The following SLC11A2 variants were observed in gnomAD, a reference collection of about 807,000 sequenced individuals.
SLC11A2 encodes natural resistance-associated macrophage protein 2.
A neutral mutation model predicts 68.0 loss-of-function variants in SLC11A2; 38 were observed. That is an observed-to-expected ratio of 0.56 (90% CI 0.43 to 0.73). The LOEUF (loss-of-function observed/expected upper bound fraction) is 0.73. Among genes scored for constraint, SLC11A2 ranks in the 30% least tolerant of loss-of-function variants. The pLI is 0.00. For synonymous variants in SLC11A2, 242 were observed against 250.6 expected, an observed-to-expected ratio of 0.97 and a Z score of 0.32; for missense variants, 517 against 690.5, an observed-to-expected ratio of 0.75 and a Z score of 2.82.
Position 50,987,728 on chromosome 12 carries a change from T to C in SLC11A2, c.*597A>G. ...CCCCTTCTTTGTTTTCTCACCCCTC[T>C]TAACTTCCACTGAGAAATTAAAGTG... On this transcript the variant is annotated 3_prime_UTR_variant, in exon 16 of 16. Coordinates refer to ENST00000262052, the MANE Select transcript of SLC11A2 (RefSeq NM_000617.3). The C allele has an allele frequency of 7.8e-7, 1 of 1,287,168 alleles. No individual in the cohort carries two copies. The highest frequency in any genetic ancestry group is 1.0e-6 in the Non-Finnish European group (1 of 988,660). 79.7% of individuals were successfully genotyped at this position (1,287,168 alleles called of 1,614,324 possible). A position where few individuals can be genotyped will look rare whatever the true frequency, so the allele number is the denominator to read the frequency against.
In SLC11A2 at chr12:50,987,748, A is replaced by G; in HGVS notation, c.*577T>C. 7.8e-7 allele frequency: 1 copy of G among 1,287,150 alleles called. No homozygotes were observed. The highest frequency in any genetic ancestry group is 1.0e-6 in the Non-Finnish European group (1 of 988,656). The allele number at this position is 1,287,150 out of a possible 1,614,324, so 79.7% of individuals were successfully genotyped here. On this transcript the variant is annotated 3_prime_UTR_variant, in exon 16 of 16. Transcript: ENST00000262052. Reference sequence around the variant, plus strand: ...CCCTCTTAACTTCCACTGAGAAATTAAAGTGGAAATAAGTTCAAAGAATCC... The same window carrying G: ...CCCTCTTAACTTCCACTGAGAAATTGAAGTGGAAATAAGTTCAAAGAATCC...
At chr12:50,969,215 A>C in the SLC11A2 span, among the ~76,000 whole-genome samples, 2 of 151,982 alleles carry the variant, frequency 1.3e-5, no homozygotes, top group African/African-American at 4.8e-5. Context: ...AATTGCTTGA[A>C]TCTGGGAGGC....
intron 8 of SLC11A2, among the ~76,000 whole-genome samples, chr12:50,997,551 G>C (rs224448): frequency 0.45 from 68,688 of 151,292 alleles, 16,905 homozygotes; most frequent in Non-Finnish European, 0.56. Flanking sequence ...AATTACCTCG[G>C]TGTGGTGGTG....
At chr12:50,997,061 CT>C in intron 8 of SLC11A2, 89 bp from the exon 9 acceptor site, 1 of 968,046 alleles carries the variant, frequency 1.0e-6, no homozygotes. Context: ...TCCTTTATCC[CT>C]TACAATGCCT....
chr12:50,996,561 G>A (rs942904561), intron 9 of SLC11A2, among the ~76,000 whole-genome samples: 3 of 149,592 alleles, frequency 2.0e-5, no homozygotes, highest in Admixed American at 6.7e-5. Flanking sequence ...GGGCAATAGA[G>A]TGAGACTCCA....
At chr12:51,010,607 G>A in intron 2 of SLC11A2, 88 bp downstream of exon 2, 1 of 779,056 alleles carries the variant, frequency 1.3e-6, no homozygotes, top group African/African-American at 1.7e-5. Context: ...GACAGATGAT[G>A]ACAAGAGGAA....
upstream of SLC11A2, among the ~76,000 whole-genome samples, chr12:51,027,526 A>C (rs1380081541): frequency 6.6e-6 from 1 of 151,958 alleles, no homozygotes; most frequent in Non-Finnish European, 1.5e-5. Flanking sequence ...CTCCTCGCCC[A>C]GCTGACTCGA....
intron 3 of SLC11A2, chr12:51,008,230 A>C: frequency 3.4e-6 from 1 of 292,634 alleles, no homozygotes; most frequent in East Asian, 1.6e-4. Flanking sequence ...AGACAGATAG[A>C]TAGATAGATA....
chr12:50,986,327 ACTTT>A lies in SLC11A2; in HGVS notation c.*1994_*1997del. 7.8e-7 allele frequency: 1 copy of A among 1,285,786 alleles called. No individual in the cohort carries two copies. The highest frequency in any genetic ancestry group is 1.0e-6 in the Non-Finnish European group (1 of 987,334). 79.6% of individuals were successfully genotyped at this position (1,285,786 alleles called of 1,614,324 possible). On this transcript the variant is annotated 3_prime_UTR_variant, in exon 16 of 16. Coordinates refer to ENST00000262052, the MANE Select transcript of SLC11A2 (RefSeq NM_000617.3). The stretch of plus-strand genomic sequence containing the variant: ...GCACCCAGAGTACTGGTTAAAATGC[ACTTT>A]CTGTGAAGATCAAATGCAATAACGT...
downstream of SLC11A2, among the ~76,000 whole-genome samples, chr12:50,977,424 G>A (rs1939862522): frequency 6.6e-6 from 1 of 152,200 alleles, no homozygotes; most frequent in South Asian, 2.1e-4. Flanking sequence ...AAATGGTGCT[G>A]GGAAAACTGG....
In SLC11A2 at chr12:51,000,425, C is replaced by T. The variant is rs1942100197; in HGVS notation, c.430-6G>A. 6 of 1,598,154 alleles carry T rather than the reference C, an allele frequency of 3.8e-6. No individual in the cohort carries two copies. The highest frequency in any genetic ancestry group is 1.3e-5 in the African/African-American group (1 of 74,628). On this transcript the variant is annotated splice_region_variant and splice_polypyrimidine_tract_variant and intron_variant, in intron 5 of 15. Coordinates refer to ENST00000262052, the MANE Select transcript of SLC11A2 (RefSeq NM_000617.3). ...CACAGGATGACTCGTGGGACCTAAA[C>T]ATCAAACAGTAGAAAGACACGGTTC...
At chr12:50,961,131 C>T in the SLC11A2 span, 1 of 1,609,920 alleles carries the variant, frequency 6.2e-7, no homozygotes, top group African/African-American at 1.3e-5. Context: ...ATCTTATGTT[C>T]AGCTGTCTTT....
the SLC11A2 span, among the ~76,000 whole-genome samples, chr12:50,964,073 A>G: frequency 6.6e-6 from 1 of 152,204 alleles, no homozygotes; most frequent in African/African-American, 2.4e-5. Flanking sequence ...CTATGACTTA[A>G]ATCCTGAGAT....
the SLC11A2 span, among the ~76,000 whole-genome samples, chr12:50,952,316 C>T: frequency 1.1e-4 from 17 of 152,032 alleles, no homozygotes; most frequent in African/African-American, 2.7e-4. Flanking sequence ...AAGGAAAATG[C>T]GGGTACCAGA....
intron 2 of SLC11A2, chr12:51,008,991 T>C: frequency 1.5e-6 from 1 of 686,244 alleles, no homozygotes; most frequent in Non-Finnish European, 2.6e-6. Context: ...AACACTGACA[T>C]ATGGGCTCAA....
chr12:51,004,502 T>C (rs964622137), intron 5 of SLC11A2, among the ~76,000 whole-genome samples: 1 of 152,198 alleles, frequency 6.6e-6, no homozygotes, highest in African/African-American at 2.4e-5. Flanking sequence ...CCTCCTCCCC[T>C]TGGGCTGGGC....
At chr12:50,955,783 C>T in the SLC11A2 span, among the ~76,000 whole-genome samples, 4 of 152,034 alleles carry the variant, frequency 2.6e-5, no homozygotes, top group South Asian at 2.1e-4. Flanking sequence ...AAAAAAAATT[C>T]GAAAACTCAA....
chr12:51,012,489 C>T (rs1330327702), intron 1 of SLC11A2, among the ~76,000 whole-genome samples: 2 of 152,158 alleles, frequency 1.3e-5, no homozygotes, highest in East Asian at 1.9e-4. Context: ...GATGAAGCCT[C>T]GCTTAATGAT....
At position 51,004,830 on chromosome 12, in the gene SLC11A2, A is replaced by C. The variant is rs748906501; in HGVS notation, c.387T>G (p.Thr129=). 6.5e-5 allele frequency: 105 copies of C among 1,613,988 alleles called. No individual in the cohort carries two copies. Among genetic ancestry groups the C allele is most frequent in the Non-Finnish European group, 8.7e-5 (103 of 1,179,986 alleles). ...QRLAARLGVV[T]GLHLAEVCHR... is the part of the protein sequence containing the mutation. ...GACATACTTCAGCAAGATGCAGCCC[A>C]GTAACCACTCCCAGTCTAGCTGCAA... The change falls in exon 5 of 16, where the codon ACT becomes ACG. Residue 129 remains threonine (T), a synonymous_variant. Coordinates refer to ENST00000262052, the MANE Select transcript of SLC11A2 (RefSeq NM_000617.3).
Sources: allele counts gnomAD v4.1 joint callset (sites outside exome capture counted in the v4.1 genomes callset), GRCh38; gene constraint gnomAD v4.1.1; transcripts MANE v1.5; gene names NCBI Gene and HGNC (gene_info 2026-07-23, HGNC 2026-07-21).